RB1: variants seen among roughly 807,000 people sequenced by gnomAD.
RB1 encodes RB transcriptional corepressor 1, also known as retinoblastoma-associated protein.
In RB1, 18 loss-of-function variants were observed where a neutral mutation model predicts 135.4. That is an observed-to-expected ratio of 0.13 (90% CI 0.09 to 0.20). RB1 has a LOEUF of 0.20. Ranked by LOEUF, RB1 falls within the 10% of genes least tolerant of loss-of-function variation. The probability of loss-of-function intolerance (pLI) is 1.00; values close to 1 mark genes in which losing one functional copy is unlikely to be tolerated. For synonymous variants in RB1, 365 were observed against 373.2 expected (o/e 0.98, Z 0.25); for missense variants, 868 against 1,110.0 (o/e 0.78, Z 3.10).
At chr13:48,387,129 C>T (rs1033814265) in intron 17 of RB1, among the ~76,000 whole-genome samples, 1 of 152,080 alleles carries the variant, frequency 6.6e-6, no homozygotes, top group African/African-American at 2.4e-5. Context: ...CAGCATATTG[C>T]AACAAAGTAA....
intron 24 of RB1, 30 bp downstream of exon 24, chr13:48,473,420 A>G: frequency 6.6e-7 from 1 of 1,510,398 alleles, no homozygotes; most frequent in African/African-American, 1.4e-5. Flanking sequence ...GAAATATAAT[A>G]GTATGCATTG....
chr13:48,357,782 G>T (rs892452004), intron 6 of RB1, among the ~76,000 whole-genome samples: 4 of 152,038 alleles, frequency 2.6e-5, no homozygotes, highest in Non-Finnish European at 1.5e-5. Context: ...AGGGTAAGAT[G>T]ATGATCAGGA....
chr13:48,479,131 G>A (rs1202499505), intron 26 of RB1, among the ~76,000 whole-genome samples: 8 of 152,114 alleles, frequency 5.3e-5, no homozygotes, highest in Non-Finnish European at 1.2e-4. Context: ...GAGAGGCTGA[G>A]GTGAGAGAAT....
intron 3 of RB1, among the ~76,000 whole-genome samples, chr13:48,344,679 A>G (rs1952476614): frequency 6.6e-6 from 1 of 152,092 alleles, no homozygotes; most frequent in South Asian, 2.1e-4. Context: ...CTGAGGATGA[A>G]TGGGTTCCAG....
At chr13:48,467,374 C>A (rs1187801649) in intron 23 of RB1, among the ~76,000 whole-genome samples, 1 of 95,930 alleles carries the variant, frequency 1.0e-5, no homozygotes, top group African/African-American at 3.6e-5. Flanking sequence ...ATTTTGTCAC[C>A]ACCAGGCCTG....
chr13:48,464,983 A>ATTTTTTTTTT lies in RB1; in HGVS notation c.2212-15_2212-14insTTTTTTTTTT. On this transcript the variant is annotated splice_polypyrimidine_tract_variant and intron_variant, in intron 21 of 26. Coordinates refer to ENST00000267163, the MANE Select transcript of RB1 (RefSeq NM_000321.3). The stretch of plus-strand genomic sequence containing the variant: ...CTTTTTTTTTTTTTTTTTTTTTTTT[A>ATTTTTTTTTT]CTGTTCTTCCTCAGACATTCAAACG... 1 of 699,296 alleles carries ATTTTTTTTTT rather than the reference A, an allele frequency of 1.4e-6. No homozygotes were observed. 43.3% of individuals were successfully genotyped at this position (699,296 alleles called of 1,614,324 possible).
intron 2 of RB1, among the ~76,000 whole-genome samples, chr13:48,338,849 G>A (rs940499443): frequency 1.3e-5 from 2 of 152,050 alleles, no homozygotes; most frequent in African/African-American, 4.8e-5. Context: ...GTACAGATGG[G>A]GGTATGGTGT....
At chr13:48,320,785 C>CACT in intron 2 of RB1, among the ~76,000 whole-genome samples, 1 of 151,234 alleles carries the variant, frequency 6.6e-6, no homozygotes, top group Non-Finnish European at 1.5e-5. Flanking sequence ...GAGCTGAGAT[C>CACT]GCCCCACTGC....
rs1158572664 is a variant in RB1 at position 48,360,006 on chromosome 13, T to C, written c.608-11T>C. ...TCTAACTTTCTTTAAAAATGTACAT[T>C]TTTTTTTCAGGGGAAGTATTACAAA... On this transcript the variant is annotated splice_polypyrimidine_tract_variant and intron_variant, in intron 6 of 26. Transcript: ENST00000267163. 1.9e-6 allele frequency: 3 copies of C among 1,610,912 alleles called. No homozygotes were observed. The highest frequency in any genetic ancestry group is 1.1e-5 in the South Asian group (1 of 91,012).
chr13:48,414,160 C>T (rs554806289), intron 17 of RB1, among the ~76,000 whole-genome samples: 8 of 152,086 alleles, frequency 5.3e-5, no homozygotes, highest in Non-Finnish European at 1.2e-4. Context: ...GCAGCCTGGC[C>T]AAAATGGCGA....
chr13:48,479,332 A>T (rs1283504218), intron 26 of RB1, among the ~76,000 whole-genome samples: 2 of 152,240 alleles, frequency 1.3e-5, no homozygotes, highest in Admixed American at 1.3e-4. Context: ...TTTGTAAAGA[A>T]TACCACCACT....
At chr13:48,332,288 G>T (rs572787638) in intron 2 of RB1, among the ~76,000 whole-genome samples, 1 of 152,308 alleles carries the variant, frequency 6.6e-6, no homozygotes, top group Admixed American at 6.5e-5. Context: ...ATGAATAAGG[G>T]TTAGATGTGG....
At chr13:48,391,741 C>T (rs1948612388) in intron 17 of RB1, among the ~76,000 whole-genome samples, 1 of 151,932 alleles carries the variant, frequency 6.6e-6, no homozygotes, top group Non-Finnish European at 1.5e-5. Flanking sequence ...GCCTCAGCCT[C>T]CTGAGTAGCT....
intron 17 of RB1, among the ~76,000 whole-genome samples, chr13:48,437,357 C>T (rs1448123477): frequency 6.6e-6 from 1 of 152,100 alleles, no homozygotes; most frequent in East Asian, 1.9e-4. Context: ...GTTAAGTATT[C>T]CATGAAATAT....
At position 48,459,914 on chromosome 13, in the gene RB1, T is replaced by TTCCTTCCTTCC. The variant is rs1949388771; in HGVS notation, c.2106+82_2106+83insCCTTCCTTCCT. The TTCCTTCCTTCC allele has an allele frequency of 1.2e-5, 6 of 484,464 alleles. No homozygotes were observed. The East Asian group carries it at 1.5e-4, about 12-fold the overall frequency. 30.0% of individuals were successfully genotyped at this position (484,464 alleles called of 1,614,324 possible). A position where few individuals can be genotyped will look rare whatever the true frequency, so the allele number is the denominator to read the frequency against. On this transcript the variant is annotated intron_variant, in intron 20 of 26. Transcript: ENST00000267163. ...CTTTCTTTCTTTCTTTCTTTCTTTC[T>TTCCTTCCTTCC]TTCTTTCTTTCTTTCTTTCTTTCTT...
At chr13:48,461,911 C>A (rs1949408091) in intron 20 of RB1, among the ~76,000 whole-genome samples, 1 of 152,182 alleles carries the variant, frequency 6.6e-6, no homozygotes, top group Non-Finnish European at 1.5e-5. Context: ...CGGCTCACGG[C>A]AATCTTCGCC....
intron 17 of RB1, among the ~76,000 whole-genome samples, chr13:48,432,748 G>A (rs1331612833): frequency 6.6e-6 from 1 of 151,460 alleles, no homozygotes; most frequent in Admixed American, 6.6e-5. Context: ...TAAGCGTACA[G>A]GAATATAAAA....
chr13:48,359,894 C>A, intron 6 of RB1, 123 bp from the exon 7 acceptor site: 3 of 1,281,788 alleles, frequency 2.3e-6, no homozygotes, highest in South Asian at 1.8e-5. Flanking sequence ...GAAAGAAAAT[C>A]TTTACCATGC....
At chr13:48,384,991 C>T (rs907503413) in intron 17 of RB1, among the ~76,000 whole-genome samples, 3 of 152,026 alleles carry the variant, frequency 2.0e-5, no homozygotes, top group Non-Finnish European at 4.4e-5. Context: ...AGAGTTTGGC[C>T]CTATTAAATC....
Sources: gnomAD v4.1 joint callset for allele counts (sites outside exome capture counted in the v4.1 genomes callset) on GRCh38, gnomAD v4.1.1 for gene constraint, MANE v1.5 for transcripts, NCBI Gene and HGNC (gene_info 2026-07-23, HGNC 2026-07-21) for gene names.